Variants in PDGFC observed in about 807,000 individuals in gnomAD.
PDGFC encodes the protein platelet derived growth factor C, also known as platelet-derived growth factor C.
A neutral mutation model predicts 35.5 loss-of-function variants in PDGFC; 12 were observed. The ratio of observed to expected loss-of-function variants is 0.34; its 90% CI spans 0.22 to 0.55. The LOEUF (loss-of-function observed/expected upper bound fraction) is 0.55, where lower values mean the gene tolerates loss of function less well. Ranked by LOEUF, PDGFC falls within the 20% of genes least tolerant of loss-of-function variation. PDGFC has a pLI of 0.91. For missense variants in PDGFC, 322 were observed against 412.4 expected (o/e 0.78, Z 1.90); for synonymous variants, 159 against 148.8 (o/e 1.07, Z -0.50).
At position 156,883,487 on chromosome 4, in the gene PDGFC, G is replaced by T. The variant is rs1030570325; in HGVS notation, c.119-33071C>A. ...TTACCCCAAGAATAATACATTTGAG[G>T]CAAGGTTTATGTTAGATTATTTTGG... On this transcript the variant is annotated intron_variant, in intron 1 of 5. Coordinates refer to ENST00000502773, the MANE Select transcript of PDGFC (RefSeq NM_016205.3). Among the ~76,000 whole-genome samples the T allele has an allele frequency of 2.0e-5, 3 of 152,218 alleles. No homozygotes were observed. In the South Asian group the frequency reaches 6.2e-4, roughly 32 times the overall value.
Position 156,763,222 on chromosome 4 carries a change from A to G in PDGFC, c.922-16T>C, listed in dbSNP as rs763009333. ...ACTGAAGGACCTGAAAGGGAATAAG[A>G]GTAAGCCACTTTTAAAAATCAACGA... On this transcript the variant is annotated splice_polypyrimidine_tract_variant and intron_variant, in intron 5 of 5. Transcript: ENST00000502773. The G allele has an allele frequency of 2.8e-5, 36 of 1,289,140 alleles. No homozygotes were observed. Among genetic ancestry groups the G allele is most frequent in the Non-Finnish European group, 4.0e-5 (35 of 882,958 alleles). 79.9% of individuals were successfully genotyped at this position (1,289,140 alleles called of 1,614,324 possible).
At chr4:156,777,369 C>T (rs1363133753) in intron 3 of PDGFC, among the ~76,000 whole-genome samples, 6 of 152,106 alleles carry the variant, frequency 3.9e-5, no homozygotes, top group African/African-American at 1.4e-4. Context: ...CTACTAAAGT[C>T]CTACTCACAG....
chr4:156,952,917 G>C (rs1414244680), intron 1 of PDGFC, among the ~76,000 whole-genome samples: 1 of 151,794 alleles, frequency 6.6e-6, no homozygotes, highest in East Asian at 1.9e-4. Flanking sequence ...ATACAGAAAA[G>C]TTTGTTTTCT....
At chr4:156,823,298 T>C (rs1732321224) in intron 2 of PDGFC, among the ~76,000 whole-genome samples, 1 of 152,192 alleles carries the variant, frequency 6.6e-6, no homozygotes, top group Non-Finnish European at 1.5e-5. Flanking sequence ...GTGAAAATTC[T>C]AATTTAAACT....
Position 156,852,737 on chromosome 4 carries a change from C to A in PDGFC, c.119-2321G>T, listed in dbSNP as rs868657630. Among the ~76,000 whole-genome samples, 3 of 152,268 alleles carry A rather than the reference C, an allele frequency of 2.0e-5. No homozygotes were observed. The South Asian group carries it at 6.2e-4, about 32-fold the overall frequency. ...GCCCACAAGATAAACTGGGTCCTTC[C>A]TAAACCCAGAGAAATTTCAAAGTGT... On this transcript the variant is annotated intron_variant, in intron 1 of 5. Transcript: ENST00000502773.
Position 156,822,102 on chromosome 4 carries a change from G to A in PDGFC, c.315-11085C>T, listed in dbSNP as rs538421365. ...CATAGTGAAATTTAAAAAGTGGCCT[G>A]TAATCCCAGCAGTTTGGGAGGCCAA... On this transcript the variant is annotated intron_variant, in intron 2 of 5. Coordinates refer to ENST00000502773, the MANE Select transcript of PDGFC (RefSeq NM_016205.3). Among the ~76,000 whole-genome samples the A allele has an allele frequency of 2.6e-4, 39 of 152,232 alleles. No individual in the cohort carries two copies. The South Asian group carries it at 7.7e-3, about 30-fold the overall frequency.
chr4:156,867,571 C>T (rs2111132256), intron 1 of PDGFC, among the ~76,000 whole-genome samples: 1 of 152,304 alleles, frequency 6.6e-6, no homozygotes, highest in African/African-American at 2.4e-5. Flanking sequence ...CAAGAGTATT[C>T]ATGTATCAAT....
At chr4:156,793,409 C>T (rs904295879) in intron 3 of PDGFC, among the ~76,000 whole-genome samples, 16 of 151,172 alleles carry the variant, frequency 1.1e-4, no homozygotes, top group Non-Finnish European at 1.6e-4. Flanking sequence ...TTCAAACTCA[C>T]GTTGTGACAT....
Position 156,933,789 on chromosome 4 carries a change from T to C in PDGFC, c.118+36997A>G, listed in dbSNP as rs112718090. Among the ~76,000 whole-genome samples, 971 of 152,246 alleles carry C rather than the reference T, an allele frequency of 6.4e-3. 8 individuals are homozygous for C. Among genetic ancestry groups the C allele is most frequent in the African/African-American group, 0.022 (909 of 41,550 alleles). ...AATGAGTTCTCCCAAGACCTGATGG[T>C]TTAAAAGTGTAGCACTTTCCCCGCC... On this transcript the variant is annotated intron_variant, in intron 1 of 5. Coordinates refer to ENST00000502773, the MANE Select transcript of PDGFC (RefSeq NM_016205.3).
At chr4:156,798,884 A>G (rs2110907378) in intron 3 of PDGFC, among the ~76,000 whole-genome samples, 1 of 152,316 alleles carries the variant, frequency 6.6e-6, no homozygotes, top group African/African-American at 2.4e-5. Context: ...CTGGAAAAAA[A>G]GGCACTTCCT....
intron 2 of PDGFC, among the ~76,000 whole-genome samples, chr4:156,840,452 A>T (rs955459506): frequency 6.6e-6 from 1 of 152,194 alleles, no homozygotes; most frequent in African/African-American, 2.4e-5. Context: ...ACTTTAGAGG[A>T]TCTATGGAAA....
intron 1 of PDGFC, among the ~76,000 whole-genome samples, chr4:156,961,697 A>T (rs1732347397): frequency 6.6e-6 from 1 of 152,180 alleles, no homozygotes; most frequent in South Asian, 2.1e-4. Context: ...TGAGATCTTA[A>T]AAGTGTTATA....
chr4:156,860,374 G>A (rs569118686), intron 1 of PDGFC, among the ~76,000 whole-genome samples: 96 of 152,106 alleles, frequency 6.3e-4, no homozygotes, highest in African/African-American at 2.2e-3. Context: ...CTGCATTCAC[G>A]ACCTTCGAGC....
chr4:156,960,141 G>T (rs1579127176), intron 1 of PDGFC, among the ~76,000 whole-genome samples: 2 of 151,242 alleles, frequency 1.3e-5, no homozygotes, highest in Admixed American at 1.3e-4. Context: ...ATTGTGACCT[G>T]GGAAATTGCC....
intron 4 of PDGFC, among the ~76,000 whole-genome samples, chr4:156,769,577 G>A (rs1039140187): frequency 1.3e-5 from 2 of 151,766 alleles, no homozygotes; most frequent in East Asian, 1.9e-4. Context: ...CTAACTCAAG[G>A]GAAAGTCATT....
At chr4:156,831,491 T>A (rs1447117004) in intron 2 of PDGFC, among the ~76,000 whole-genome samples, 1 of 141,536 alleles carries the variant, frequency 7.1e-6, no homozygotes, top group Admixed American at 7.2e-5. Flanking sequence ...TCGCGCAGGC[T>A]GGAGTGCAGT....
chr4:156,920,217 C>A (rs1731240910), intron 1 of PDGFC, among the ~76,000 whole-genome samples: 2 of 152,182 alleles, frequency 1.3e-5, no homozygotes, highest in African/African-American at 4.8e-5. Flanking sequence ...CTCAAGTATT[C>A]CTTTATAGCA....
chr4:156,891,858 C>T (rs1416896318), intron 1 of PDGFC, among the ~76,000 whole-genome samples: 1 of 152,118 alleles, frequency 6.6e-6, no homozygotes, highest in Non-Finnish European at 1.5e-5. Context: ...TGATCATTCC[C>T]CCTAAAAAGA....
intron 2 of PDGFC, among the ~76,000 whole-genome samples, chr4:156,843,745 A>G (rs1168863811): frequency 6.6e-6 from 1 of 152,202 alleles, no homozygotes; most frequent in Non-Finnish European, 1.5e-5. Context: ...GGTGAGAACC[A>G]AAACCAGCTT....
Sources: allele counts gnomAD v4.1 joint callset (sites outside exome capture counted in the v4.1 genomes callset), GRCh38; gene constraint gnomAD v4.1.1; transcripts MANE v1.5; gene names NCBI Gene and HGNC (gene_info 2026-07-23, HGNC 2026-07-21).